SLC5A4: variants seen among roughly 807,000 people sequenced by gnomAD.
The protein encoded by SLC5A4 is probable glucose sensor protein SLC5A4.
Under a neutral mutation model 70.3 loss-of-function variants are expected in SLC5A4, and 55 were observed. The ratio of observed to expected loss-of-function variants is 0.78; its 90% CI spans 0.63 to 0.98. The LOEUF (loss-of-function observed/expected upper bound fraction) is 0.98, where lower values mean the gene tolerates loss of function less well. Among genes scored for constraint, SLC5A4 ranks in the 50% least tolerant of loss-of-function variants. The pLI, the probability that SLC5A4 is intolerant of heterozygous loss-of-function variation, is 0.00. For missense variants in SLC5A4, 735 were observed against 839.2 expected, an observed-to-expected ratio of 0.88 and a Z score of 1.53; for synonymous variants, 268 against 305.7, an observed-to-expected ratio of 0.88 and a Z score of 1.29.
chr22:32,223,398 C>T (rs952429193), intron 13 of SLC5A4, among the ~76,000 whole-genome samples: 1 of 152,230 alleles, frequency 6.6e-6, no homozygotes, highest in African/African-American at 2.4e-5. Flanking sequence ...TCTACGCACT[C>T]TCCAACAGTT....
the SLC5A4 span, among the ~76,000 whole-genome samples, chr22:32,321,497 C>T: frequency 1.3e-5 from 2 of 152,136 alleles, no homozygotes; most frequent in African/African-American, 4.8e-5. Flanking sequence ...ACGTGCAGGA[C>T]GTGCAGGTTT....
Position 32,237,284 on chromosome 22 carries a change from G to A in SLC5A4, c.624C>T (p.Thr208=), listed in dbSNP as rs147713518. The change falls in exon 7 of 15, where the codon ACC becomes ACT. Residue 208 remains threonine (T), a synonymous_variant. Transcript: ENST00000266086. ...TAAAAGAGCCAATCAGCATGATGAT[G>A]GTCTGGAGGGTGTCTGTGTAAATCA... ...ASVIYTDTLQ[T]IIMLIGSFIL... The A allele has an allele frequency of 3.0e-5, 48 of 1,609,352 alleles. No homozygotes were observed. Among genetic ancestry groups the A allele is most frequent in the Non-Finnish European group, 3.7e-5 (44 of 1,177,734 alleles).
the SLC5A4 span, among the ~76,000 whole-genome samples, chr22:32,316,934 C>CTGTGTGTGTG: frequency 0.017 from 2,486 of 148,698 alleles, 36 homozygotes; most frequent in South Asian, 0.037. Context: ...ATTAACAACT[C>CTGTGTGTGTG]TGTGTGTGTG....
the SLC5A4 span, among the ~76,000 whole-genome samples, chr22:32,344,674 G>C: frequency 2.6e-5 from 4 of 152,142 alleles, no homozygotes; most frequent in East Asian, 7.7e-4. Context: ...TAAAAATATA[G>C]GAAATTTCAT....
At chr22:32,354,442 C>T in the SLC5A4 span, among the ~76,000 whole-genome samples, 14 of 150,690 alleles carry the variant, frequency 9.3e-5, no homozygotes, top group Non-Finnish European at 2.1e-4. Flanking sequence ...TAGACGCAGG[C>T]AATGATGCCC....
chr22:32,319,687 C>G, the SLC5A4 span, among the ~76,000 whole-genome samples: 1 of 152,190 alleles, frequency 6.6e-6, no homozygotes, highest in Non-Finnish European at 1.5e-5. Context: ...CCAGATAAAC[C>G]CAAGGCTGAA....
chr22:32,341,446 G>T, the SLC5A4 span, among the ~76,000 whole-genome samples: 7 of 152,178 alleles, frequency 4.6e-5, no homozygotes, highest in Non-Finnish European at 8.8e-5. Context: ...TCTCTGCCGG[G>T]ATGACCTTTC....
At chr22:32,239,597 T>A (rs1210693665) in intron 5 of SLC5A4, among the ~76,000 whole-genome samples, 1 of 27,796 alleles carries the variant, frequency 3.6e-5, no homozygotes, top group African/African-American at 3.1e-4. Flanking sequence ...TATATATAAA[T>A]TATATAAAAT....
the SLC5A4 span, among the ~76,000 whole-genome samples, chr22:32,318,126 C>T: frequency 5.9e-5 from 9 of 152,276 alleles, no homozygotes; most frequent in East Asian, 1.7e-3. Flanking sequence ...ACTGCTCCTG[C>T]TCCAGCCCCT....
chr22:32,302,528 G>A, the SLC5A4 span, among the ~76,000 whole-genome samples: 72,873 of 151,892 alleles, frequency 0.48, 17,629 homozygotes, highest in Admixed American at 0.51. Flanking sequence ...GGTCTATTTT[G>A]TCTTTTTCCT....
chr22:32,312,039 C>T, the SLC5A4 span, among the ~76,000 whole-genome samples: 1 of 152,222 alleles, frequency 6.6e-6, no homozygotes, highest in East Asian at 1.9e-4. Context: ...TCATACCTGC[C>T]TCCCACGTGG....
chr22:32,319,339 A>C, the SLC5A4 span, among the ~76,000 whole-genome samples: 18 of 151,976 alleles, frequency 1.2e-4, no homozygotes, highest in Admixed American at 4.6e-4. Context: ...TCACACTGGA[A>C]CTCACACCAT....
At chr22:32,305,999 C>A in the SLC5A4 span, among the ~76,000 whole-genome samples, 152 of 152,278 alleles carry the variant, frequency 1.0e-3, 1 homozygote, top group Non-Finnish European at 1.6e-3. Context: ...TTCCCCCTAA[C>A]ACCACCTTGG....
At chr22:32,298,354 T>C in the SLC5A4 span, among the ~76,000 whole-genome samples, 1 of 145,752 alleles carries the variant, frequency 6.9e-6, no homozygotes, top group African/African-American at 2.6e-5. Flanking sequence ...TGGGTGCATA[T>C]ATATTTAGGA....
Position 32,225,804 on chromosome 22 carries a change from TTAA to T in SLC5A4, c.1297_1299del (p.Leu433del). Reference sequence around the variant, plus strand: ...GGGACCCACACAATGCTCACAACAGTTAATAGAAGAACAAATATCCTGAGAAGA... The same window carrying T: ...GGGACCCACACAATGCTCACAACAGTTAGAAGAACAAATATCCTGAGAAGA... On this transcript the variant is annotated inframe_deletion, in exon 12 of 15. Transcript: ENST00000266086. The T allele has an allele frequency of 6.2e-7, 1 of 1,603,390 alleles. No homozygotes were observed. The highest frequency in any genetic ancestry group is 2.2e-5 in the East Asian group (1 of 44,730).
the SLC5A4 span, among the ~76,000 whole-genome samples, chr22:32,306,637 G>T: frequency 1.3e-5 from 2 of 152,140 alleles, no homozygotes; most frequent in African/African-American, 2.4e-5. Context: ...TTACAGGAGA[G>T]AAAATATTTC....
intron 13 of SLC5A4, among the ~76,000 whole-genome samples, chr22:32,221,880 A>G (rs1330669989): frequency 6.6e-6 from 1 of 152,160 alleles, no homozygotes; most frequent in Non-Finnish European, 1.5e-5. Flanking sequence ...CCTCACGAGT[A>G]GCTGGGGTTA....
At chr22:32,288,238 G>A in the SLC5A4 span, among the ~76,000 whole-genome samples, 2 of 152,210 alleles carry the variant, frequency 1.3e-5, no homozygotes, top group East Asian at 3.9e-4. Flanking sequence ...TTCTACATAT[G>A]GGAAAAACAA....
chr22:32,291,036 C>T, the SLC5A4 span, among the ~76,000 whole-genome samples: 18 of 150,996 alleles, frequency 1.2e-4, no homozygotes, highest in South Asian at 3.8e-3. Context: ...TGGAATTTGT[C>T]TTCTTTCATT....
Sources: allele counts gnomAD v4.1 joint callset (sites outside exome capture counted in the v4.1 genomes callset), GRCh38; gene constraint gnomAD v4.1.1; transcripts MANE v1.5; gene names NCBI Gene and HGNC (gene_info 2026-07-23, HGNC 2026-07-21).